USP37: variants seen among roughly 807,000 people sequenced by gnomAD.
USP37 encodes the protein ubiquitin carboxyl-terminal hydrolase 37.
A neutral mutation model predicts 124.0 loss-of-function variants in USP37; 27 were observed. That is an observed-to-expected ratio of 0.22 (90% CI 0.16 to 0.30). The LOEUF (loss-of-function observed/expected upper bound fraction) is 0.30, where lower values mean the gene tolerates loss of function less well. USP37 is among the 10% of genes least tolerant of loss of function. The pLI, the probability that USP37 is intolerant of heterozygous loss-of-function variation, is 1.00. For synonymous variants in USP37, 365 were observed against 388.0 expected (o/e 0.94, Z 0.70); for missense variants, 889 against 1,140.4 (o/e 0.78, Z 3.17).
chr2:218,528,803 GAAAAAAAAAAAAAAAAAAA>G (rs58650311), intron 10 of USP37: 259 of 29,708 alleles, frequency 8.7e-3, no homozygotes, highest in Middle Eastern at 0.029. Context: ...CAATAAATCT[GAAAAAAAAAAAAAAAAAAA>G]AAAAAAAAAA....
rs1692308876 is a variant in USP37, at chr2:218,546,169, C to T, written c.680+52G>A. 4 of 1,419,476 alleles carry T rather than the reference C, an allele frequency of 2.8e-6. No individual in the cohort carries two copies. The South Asian group carries it at 3.7e-5, about 13-fold the overall frequency. 87.9% of individuals were successfully genotyped at this position (1,419,476 alleles called of 1,614,324 possible). A position where few individuals can be genotyped will look rare whatever the true frequency, so the allele number is the denominator to read the frequency against. On this transcript the variant is annotated intron_variant, in intron 8 of 25. Coordinates refer to ENST00000258399, the MANE Select transcript of USP37 (RefSeq NM_020935.3). ...CAATCTTCCCCAGTGGTTACAAATA[C>T]CAATATAAGAAACACTGCTCTAACA...
Position 218,543,587 on chromosome 2 carries a change from T to C in USP37, c.680+2634A>G, listed in dbSNP as rs562264656. On this transcript the variant is annotated intron_variant, in intron 8 of 25. Transcript: ENST00000258399. The stretch of plus-strand genomic sequence containing the variant: ...CAGCACTTTGGGAGCCTGAGGCAGA[T>C]GGATCACGAGGTCAGGAAATCAAGA... Among the ~76,000 whole-genome samples, 5 of 145,114 alleles carry C rather than the reference T, an allele frequency of 3.4e-5. No homozygotes were observed. In the South Asian group the frequency reaches 8.8e-4, roughly 25 times the overall value.
At chr2:218,518,621 A>G (rs1290629766) in intron 10 of USP37, among the ~76,000 whole-genome samples, 2 of 152,150 alleles carry the variant, frequency 1.3e-5, no homozygotes, top group Admixed American at 6.6e-5. Flanking sequence ...CTAGATACAC[A>G]TTTTTATCAT....
intron 20 of USP37, among the ~76,000 whole-genome samples, chr2:218,471,393 A>G (rs946755044): frequency 1.3e-5 from 2 of 152,250 alleles, no homozygotes; most frequent in Admixed American, 1.3e-4. Context: ...AAACTGAGAA[A>G]ACAGGCTGCT....
chr2:218,518,377 G>A (rs1690416100), intron 10 of USP37, among the ~76,000 whole-genome samples: 1 of 151,974 alleles, frequency 6.6e-6, no homozygotes, highest in Admixed American at 6.6e-5. Flanking sequence ...AATATGTGGA[G>A]CCCTGTGGTC....
At chr2:218,474,551 T>G in intron 20 of USP37, 79 bp downstream of exon 20, 1 of 1,556,176 alleles carries the variant, frequency 6.4e-7, no homozygotes, top group Non-Finnish European at 8.7e-7. Context: ...TCTCCCGTTA[T>G]TTGGAGGTTA....
chr2:218,538,895 A>G (rs139385009), intron 8 of USP37, among the ~76,000 whole-genome samples: 40 of 152,380 alleles, frequency 2.6e-4, no homozygotes, highest in African/African-American at 9.4e-4. Context: ...AACCACAGAT[A>G]GTATAGAACT....
chr2:218,457,901 T>G (rs1470687614), intron 23 of USP37, among the ~76,000 whole-genome samples: 1 of 151,204 alleles, frequency 6.6e-6, no homozygotes, highest in Non-Finnish European at 1.5e-5. Context: ...CACAAAAAAT[T>G]AGCTGGCGGG....
At chr2:218,483,803 C>T (rs528200084) in intron 16 of USP37, among the ~76,000 whole-genome samples, 1 of 152,254 alleles carries the variant, frequency 6.6e-6, no homozygotes, top group African/African-American at 2.4e-5. Flanking sequence ...AAGATTCTTC[C>T]TCCCACCTTC....
At chr2:218,533,290 G>T in intron 9 of USP37, among the ~76,000 whole-genome samples, 1 of 151,068 alleles carries the variant, frequency 6.6e-6, no homozygotes, top group African/African-American at 2.4e-5. Flanking sequence ...ACTACTTCTT[G>T]ATTTACTCAT....
At chr2:218,544,407 ATATATATATAT>A (rs1239380806) in intron 8 of USP37, among the ~76,000 whole-genome samples, 11 of 75,652 alleles carry the variant, frequency 1.5e-4, no homozygotes, top group South Asian at 9.6e-4. Flanking sequence ...AAAAAAAAAA[ATATATATATAT>A]ATATATATAT....
In USP37 at chr2:218,556,503, GTTTTTTTTTT is replaced by G. The variant is rs34907421; in HGVS notation, c.156+1985_156+1994del. Among the ~76,000 whole-genome samples, 129 of 53,826 alleles carry G rather than the reference GTTTTTTTTTT, an allele frequency of 2.4e-3. 1 individual carries two copies. The highest frequency in any genetic ancestry group is 0.024 in the Middle Eastern group (1 of 42). 35.3% of individuals were successfully genotyped at this position (53,826 alleles called of 152,430 possible). A position where few individuals can be genotyped will look rare whatever the true frequency, so the allele number is the denominator to read the frequency against. On this transcript the variant is annotated intron_variant, in intron 4 of 25. Transcript: ENST00000258399. ...GTATTTGGTTACTCTGGGTTTTTCT[GTTTTTTTTTT>G]TTTTTTTTTTTTTTTTTGAGATGGA...
At chr2:218,554,567 C>T (rs1169228998) in intron 4 of USP37, among the ~76,000 whole-genome samples, 1 of 151,830 alleles carries the variant, frequency 6.6e-6, no homozygotes, top group Non-Finnish European at 1.5e-5. Flanking sequence ...GCCAACATGG[C>T]GAAATCCCAT....
At chr2:218,554,400 TAAC>T (rs1692836017) in intron 4 of USP37, among the ~76,000 whole-genome samples, 1 of 152,204 alleles carries the variant, frequency 6.6e-6, no homozygotes, top group East Asian at 1.9e-4. Flanking sequence ...ACTACTGAGT[TAAC>T]ACATTTCAGA....
chr2:218,485,773 A>C (rs761732680), intron 15 of USP37, 30 bp from the exon 16 acceptor site: 2 of 1,589,586 alleles, frequency 1.3e-6, no homozygotes, highest in South Asian at 2.3e-5. Context: ...TAAAGCATGA[A>C]GGTGAATCAG....
intron 20 of USP37, among the ~76,000 whole-genome samples, chr2:218,470,247 C>T (rs1690600161): frequency 6.6e-6 from 1 of 152,178 alleles, no homozygotes. Context: ...TTTTAAAAGA[C>T]AGATATCTGA....
chr2:218,465,904 T>A (rs1690290472), intron 21 of USP37, 106 bp downstream of exon 21: 3 of 1,377,410 alleles, frequency 2.2e-6, no homozygotes, highest in Non-Finnish European at 2.9e-6. Flanking sequence ...GTAAATCATC[T>A]GGAACAATGT....
chr2:218,532,983 C>T (rs1691419569), intron 9 of USP37, among the ~76,000 whole-genome samples: 1 of 151,434 alleles, frequency 6.6e-6, no homozygotes, highest in Non-Finnish European at 1.5e-5. Flanking sequence ...TGCTATTGCA[C>T]ACTTAACTGA....
intron 20 of USP37, among the ~76,000 whole-genome samples, chr2:218,471,923 G>A (rs550263292): frequency 2.9e-4 from 44 of 152,010 alleles, no homozygotes; most frequent in Non-Finnish European, 5.3e-4. Context: ...CCAGCTACTC[G>A]GGAGGCTGAG....
Sources: gnomAD v4.1 joint callset for allele counts (sites outside exome capture counted in the v4.1 genomes callset) on GRCh38, gnomAD v4.1.1 for gene constraint, MANE v1.5 for transcripts, NCBI Gene and HGNC (gene_info 2026-07-23, HGNC 2026-07-21) for gene names.